Variants in ATG9B observed in about 807,000 individuals in gnomAD.
The protein encoded by ATG9B is autophagy related 9B, also known as autophagy-related protein 9B.
ATG9B carries 92 observed loss-of-function variants against 92.9 expected under a neutral mutation model. That is an observed-to-expected ratio of 0.99 (90% CI 0.84 to 1.18). The LOEUF (loss-of-function observed/expected upper bound fraction) is 1.18. Among genes scored for constraint, ATG9B ranks in the 50% most tolerant of loss-of-function variants. The probability of loss-of-function intolerance (pLI) is 0.00; values close to 1 mark genes in which losing one functional copy is unlikely to be tolerated. For missense variants in ATG9B, 1,344 were observed against 1,235.0 expected, an observed-to-expected ratio of 1.09 and a Z score of -1.32; for synonymous variants, 599 against 551.4, an observed-to-expected ratio of 1.09 and a Z score of -1.21.
chr7:151,013,802 T>C (rs1339689412), downstream of ATG9B: 2 of 1,610,832 alleles, frequency 1.2e-6, no homozygotes, highest in East Asian at 2.2e-5. Flanking sequence ...GGGCCACATG[T>C]TTGTCTGCGG....
At chr7:151,014,512 G>T, downstream of ATG9B, 1 of 269,784 alleles carries the variant, frequency 3.7e-6, no homozygotes. Flanking sequence ...TCTAAATCAA[G>T]TATTTATTAT....
In ATG9B at chr7:151,021,040, T is replaced by C. The variant is rs979659303; in HGVS notation, c.963+148A>G. On this transcript the variant is annotated intron_variant, in intron 5 of 13. Transcript: ENST00000639579. ...TGGTGGTAGCCCCCTCCTGACATTA[T>C]TCTGGGCCTAGGGCAGGTGTCAATA... 26 of 920,530 alleles carry C rather than the reference T, an allele frequency of 2.8e-5. No individual in the cohort carries two copies. The African/African-American group carries it at 3.5e-4, about 12-fold the overall frequency. The allele number at this position is 920,530 out of a possible 1,614,324, so 57.0% of individuals were successfully genotyped here.
At chr7:151,017,798 C>A (rs1795562570) in intron 8 of ATG9B, 73 bp downstream of exon 8, 2 of 1,455,456 alleles carry the variant, frequency 1.4e-6, no homozygotes, top group Non-Finnish European at 1.8e-6. Flanking sequence ...AGGGCTGGAA[C>A]TCAGGTCTGC....
Position 151,023,063 on chromosome 7 carries a change from G to A in ATG9B, c.803C>T (p.Ser268Leu). 1 of 1,614,166 alleles carries A rather than the reference G, an allele frequency of 6.2e-7. No individual in the cohort carries two copies. Among genetic ancestry groups the A allele is most frequent in the Non-Finnish European group, 8.5e-7 (1 of 1,180,030 alleles). ...CACTAACCTCTCAGCACACTGGGCT[G>A]AGGGTAGGATGGCATCTGACAGGGT... Reference protein sequence around the residue: ...KVTLSDAILPSAQCAERIRSS... With the variant: ...KVTLSDAILPLAQCAERIRSS... Residue 268 changes from serine to leucine, a missense_variant, in exon 4 of 14, where the codon TCA becomes TTA. Coordinates refer to ENST00000639579, the MANE Select transcript of ATG9B (RefSeq NM_001317056.2).
In ATG9B at chr7:151,023,895, G is replaced by T; in HGVS notation, c.529C>A (p.His177Asn). 6.2e-7 allele frequency: 1 copy of T among 1,609,604 alleles called. No individual in the cohort carries two copies. Residue 177 changes from histidine (H) to asparagine (N), a missense_variant, in exon 1 of 14, where the codon CAT becomes AAT. By Grantham distance (68) the His-to-Asn change is moderately conservative. Coordinates refer to ENST00000639579, the MANE Select transcript of ATG9B (RefSeq NM_001317056.2). ...IHGEEQQPLL[H>N]VPEGLRGSWH... is the part of the protein sequence containing the mutation. The stretch of plus-strand genomic sequence containing the variant: ...ATACCTCGGAGCCCTTCAGGGACAT[G>T]AAGCAGGGGTTGCTGCTCCTCCCCG...
downstream of ATG9B, chr7:151,014,420 C>T (rs1267845196): frequency 1.7e-5 from 8 of 475,304 alleles, no homozygotes; most frequent in Non-Finnish European, 3.0e-5. Flanking sequence ...CCAGGGCCTA[C>T]TGCCACCCGC....
chr7:151,023,116 G>T lies in ATG9B; in HGVS notation c.750C>A (p.Thr250=), dbSNP rs774273855. Residue 250 remains threonine (T), a synonymous_variant, in exon 4 of 14, where the codon ACC becomes ACA. Transcript: ENST00000639579. ...CTTTGCTGTGGAACGGCCCAGGTCT[G>T]GTATGGTTACTTGGTTGGTTGGCAA... is the stretch of plus-strand genomic sequence containing the variant. The part of the protein sequence containing the change: ...VLFANQPSNH[T]RPGPFHSKVT... 1.2e-6 allele frequency: 2 copies of T among 1,614,008 alleles called. No homozygotes were observed. Among genetic ancestry groups the T allele is most frequent in the Non-Finnish European group, 1.7e-6 (2 of 1,180,026 alleles).
intron 4 of ATG9B, 43 bp downstream of exon 4, chr7:151,023,002 T>G (rs376401572): frequency 1.5e-5 from 24 of 1,612,640 alleles, no homozygotes; most frequent in Admixed American, 1.7e-5. Context: ...CTCTACCCAC[T>G]GCCCATGCTT....
chr7:151,016,434 G>C lies in ATG9B; in HGVS notation c.2517C>G (p.His839Gln). The change falls in exon 11 of 14, where the codon CAC becomes CAG. Residue 839 changes from histidine to glutamine, a missense_variant. His to Gln is a conservative substitution (Grantham distance 24, BLOSUM62 0). Transcript: ENST00000639579. ...CTTTGGGCACCCCTCTACTCACCTG[G>C]TGCAGGTAGATGACATGGAGACTCA... ...AEMSLHVIYL[H>Q]QLHQQQQQQE... 6.4e-7 allele frequency: 1 copy of C among 1,551,370 alleles called. No homozygotes were observed. Among genetic ancestry groups the C allele is most frequent in the Non-Finnish European group, 8.7e-7 (1 of 1,146,850 alleles).
downstream of ATG9B, chr7:151,013,464 C>G (rs1795353590): frequency 6.7e-7 from 1 of 1,490,162 alleles, no homozygotes; most frequent in Admixed American, 2.0e-5. Context: ...ACACCAACCA[C>G]GGCCCTCCCG....
chr7:151,018,560 A>C lies in ATG9B; in HGVS notation c.1718+60T>G. On this transcript the variant is annotated intron_variant, in intron 6 of 13. Coordinates refer to ENST00000639579, the MANE Select transcript of ATG9B (RefSeq NM_001317056.2). The surrounding 1 kb of genome is among the most constrained non-coding windows in gnomAD (Gnocchi z 4.7). ...GAGGTAAGGATTCGGGGGGAACCTCACATGGCCCCAGATCAGAGAAACCAA... is the reference window on the plus strand; with the variant it reads ...GAGGTAAGGATTCGGGGGGAACCTCCCATGGCCCCAGATCAGAGAAACCAA... 6.5e-7 allele frequency: 1 copy of C among 1,548,342 alleles called. No individual in the cohort carries two copies. Among genetic ancestry groups the C allele is most frequent in the Non-Finnish European group, 8.7e-7 (1 of 1,151,544 alleles).
chr7:151,018,540 A>G lies in ATG9B; in HGVS notation c.1718+80T>C. 1 of 1,527,948 alleles carries G rather than the reference A, an allele frequency of 6.5e-7. No homozygotes were observed. The allele number at this position is 1,527,948 out of a possible 1,614,324, so 94.6% of individuals were successfully genotyped here. A position where few individuals can be genotyped will look rare whatever the true frequency, so the allele number is the denominator to read the frequency against. ...AGAGGGCCCCAGTGGTGGGAGAGGT[A>G]AGGATTCGGGGGGAACCTCACATGG... On this transcript the variant is annotated intron_variant, in intron 6 of 13. Coordinates refer to ENST00000639579, the MANE Select transcript of ATG9B (RefSeq NM_001317056.2). The surrounding 1 kb of genome is among the most constrained non-coding windows in gnomAD (Gnocchi z 4.7).
chr7:151,017,581 A>T (rs1396058538), intron 8 of ATG9B, among the ~76,000 whole-genome samples: 2 of 152,112 alleles, frequency 1.3e-5, no homozygotes, highest in African/African-American at 2.4e-5. Context: ...CCTCACCCCC[A>T]GGTGGTCTTT....
At chr7:151,017,814 A>G in intron 8 of ATG9B, 57 bp downstream of exon 8, 1 of 1,496,586 alleles carries the variant, frequency 6.7e-7, no homozygotes, top group Non-Finnish European at 8.9e-7. Context: ...TCTGCTCCCG[A>G]GAGGCAAGCG....
At position 151,016,490 on chromosome 7, in the gene ATG9B, C is replaced by T; in HGVS notation, c.2461G>A (p.Ala821Thr). ...GCAGAAGCAAGTTCTGGGAGCTGGG[C>T]CAGCTTCTGGCCCCCAGTGCCTCCT... is the stretch of plus-strand genomic sequence containing the variant. Reference protein sequence around the residue: ...SPGGTGGQKLAQLPELASAEM... With the variant: ...SPGGTGGQKLTQLPELASAEM... The change falls in exon 11 of 14, where the codon GCC (alanine) becomes ACC (threonine). Residue 821 changes from alanine to threonine, a missense_variant. Coordinates refer to ENST00000639579, the MANE Select transcript of ATG9B (RefSeq NM_001317056.2). The T allele has an allele frequency of 6.4e-7, 1 of 1,551,274 alleles. No homozygotes were observed. The highest frequency in any genetic ancestry group is 8.7e-7 in the Non-Finnish European group (1 of 1,146,970).
chr7:151,012,721 A>G (rs12937), downstream of ATG9B: 1,288 of 449,844 alleles, frequency 2.9e-3, 3 homozygotes, highest in Middle Eastern at 5.5e-3. Flanking sequence ...TAGAATTTTC[A>G]AAGGGATTAG....
At chr7:151,013,598 C>T, downstream of ATG9B, 1 of 1,061,422 alleles carries the variant, frequency 9.4e-7, no homozygotes, top group East Asian at 2.6e-5. Context: ...TTGACACCGC[C>T]CCAGGGCACG....
Position 151,018,069 on chromosome 7 carries a change from G to A in ATG9B, c.1873-19C>T. On this transcript the variant is annotated intron_variant, in intron 7 of 13. Transcript: ENST00000639579. The surrounding 1 kb of genome is among the most constrained non-coding windows in gnomAD (Gnocchi z 4.7). ...GGGAGACCTGGGGAAGCAGCGGTGAGGCTGAGCAGGGGTCGCTGAGGGGCC... is the reference window on the plus strand; with the variant it reads ...GGGAGACCTGGGGAAGCAGCGGTGAAGCTGAGCAGGGGTCGCTGAGGGGCC... The A allele has an allele frequency of 1.9e-6, 3 of 1,559,668 alleles. No individual in the cohort carries two copies. The highest frequency in any genetic ancestry group is 4.7e-5 in the East Asian group (2 of 42,416).
intron 4 of ATG9B, among the ~76,000 whole-genome samples, chr7:151,022,466 G>A (rs1795788259): frequency 6.6e-6 from 1 of 150,912 alleles, no homozygotes; most frequent in Non-Finnish European, 1.5e-5. Flanking sequence ...GTAAAATGTG[G>A]ATAGATACGA....
Sources: gnomAD v4.1 joint callset for allele counts (sites outside exome capture counted in the v4.1 genomes callset) on GRCh38, gnomAD v4.1.1 for gene constraint, Gnocchi (gnomAD v3.1) non-coding constraint, MANE v1.5 for transcripts, NCBI Gene and HGNC (gene_info 2026-07-23, HGNC 2026-07-21) for gene names.